GULP1: variants seen among roughly 807,000 people sequenced by gnomAD.
GULP1 encodes the protein PTB domain-containing engulfment adapter protein 1.
Under a neutral mutation model 40.9 loss-of-function variants are expected in GULP1, and 19 were observed. That is an observed-to-expected ratio of 0.46 (90% CI 0.32 to 0.68). The LOEUF is 0.68. GULP1 is among the 30% of genes least tolerant of loss of function. GULP1 has a pLI of 0.03. For missense variants in GULP1, 312 were observed against 362.2 expected (o/e 0.86, Z 1.12); for synonymous variants, 119 against 117.6 (o/e 1.01, Z -0.08).
intron 1 of GULP1, among the ~76,000 whole-genome samples, chr2:188,305,839 G>A (rs961378968): frequency 2.0e-5 from 3 of 152,208 alleles, no homozygotes; most frequent in East Asian, 1.9e-4. Flanking sequence ...GTGGAGTGGC[G>A]CAATCTTGGC....
At chr2:188,549,322 T>G (rs1233168788) in intron 7 of GULP1, among the ~76,000 whole-genome samples, 1 of 151,534 alleles carries the variant, frequency 6.6e-6, no homozygotes, top group Non-Finnish European at 1.5e-5. Flanking sequence ...AACAATGAAA[T>G]TAGAACATGA....
intron 1 of GULP1, among the ~76,000 whole-genome samples, chr2:188,299,764 G>C (rs2035797312): frequency 6.6e-6 from 1 of 152,202 alleles, no homozygotes; most frequent in Non-Finnish European, 1.5e-5. Context: ...GTATTCACCA[G>C]TGTGAAGGGA....
At chr2:188,357,676 G>C (rs1419215791) in intron 1 of GULP1, among the ~76,000 whole-genome samples, 1 of 152,092 alleles carries the variant, frequency 6.6e-6, no homozygotes, top group African/African-American at 2.4e-5. Flanking sequence ...ATTGCCGTAT[G>C]ATCAGCAGTC....
Position 188,483,494 on chromosome 2 carries a change from TA to T in GULP1, c.90+7del. ...CATTTCATTCCCTATAATGCAAAGG[TA>T]AAAATAGTTCATTTATTATTTAATT... On this transcript the variant is annotated splice_donor_region_variant and intron_variant, in intron 4 of 11. Transcript: ENST00000409830. 1.6e-6 allele frequency: 2 copies of T among 1,282,692 alleles called. No homozygotes were observed. Among genetic ancestry groups the T allele is most frequent in the Non-Finnish European group, 2.2e-6 (2 of 899,002 alleles). The allele number at this position is 1,282,692 out of a possible 1,614,324, so 79.5% of individuals were successfully genotyped here.
intron 7 of GULP1, among the ~76,000 whole-genome samples, chr2:188,547,497 A>C (rs1201064344): frequency 6.6e-6 from 1 of 152,160 alleles, no homozygotes; most frequent in East Asian, 1.9e-4. Flanking sequence ...CCAATCTTCA[A>C]GGGCAGGAAG....
intron 4 of GULP1, among the ~76,000 whole-genome samples, chr2:188,500,183 A>G (rs890349814): frequency 5.9e-5 from 9 of 151,776 alleles, no homozygotes; most frequent in Non-Finnish European, 1.0e-4. Context: ...AAAAATACAG[A>G]TTTTCTGTCC....
At chr2:188,425,009 CT>C (rs1374526244) in intron 2 of GULP1, among the ~76,000 whole-genome samples, 1 of 151,826 alleles carries the variant, frequency 6.6e-6, no homozygotes, top group Non-Finnish European at 1.5e-5. Flanking sequence ...TGGCTTGTTT[CT>C]TTTTTTCGAT....
At chr2:188,497,444 A>G (rs2063007402) in intron 4 of GULP1, among the ~76,000 whole-genome samples, 1 of 152,008 alleles carries the variant, frequency 6.6e-6, no homozygotes, top group African/African-American at 2.4e-5. Context: ...TTAGATAAAG[A>G]TAATGGACTA....
chr2:188,301,722 G>T (rs2036167660), intron 1 of GULP1, among the ~76,000 whole-genome samples: 1 of 152,156 alleles, frequency 6.6e-6, no homozygotes, highest in Non-Finnish European at 1.5e-5. Flanking sequence ...GGGTAGAAAA[G>T]ATTTAGTTCC....
chr2:188,303,025 G>A (rs2036420522), intron 1 of GULP1, among the ~76,000 whole-genome samples: 1 of 152,064 alleles, frequency 6.6e-6, no homozygotes. Flanking sequence ...TGATGGTCCT[G>A]AATAAAGTTT....
intron 1 of GULP1, among the ~76,000 whole-genome samples, chr2:188,332,561 G>A (rs748543418): frequency 3.9e-5 from 6 of 152,088 alleles, no homozygotes; most frequent in Non-Finnish European, 7.4e-5. Context: ...AAAAACCTGT[G>A]TACCTAATTC....
chr2:188,520,991 A>G (rs888916903), intron 4 of GULP1, among the ~76,000 whole-genome samples: 2 of 152,062 alleles, frequency 1.3e-5, no homozygotes, highest in South Asian at 4.1e-4. Flanking sequence ...TTTCCCTTCT[A>G]TTCTGTAAGT....
intron 1 of GULP1, among the ~76,000 whole-genome samples, chr2:188,297,142 T>G (rs2035131572): frequency 6.6e-6 from 1 of 152,074 alleles, no homozygotes; most frequent in Non-Finnish European, 1.5e-5. Context: ...CTAGAAATCC[T>G]AGAAATCCTT....
intron 4 of GULP1, among the ~76,000 whole-genome samples, chr2:188,515,492 C>T (rs755457616): frequency 2.6e-5 from 4 of 152,128 alleles, no homozygotes; most frequent in African/African-American, 7.2e-5. Context: ...CTAGTGAGCA[C>T]GTCAGAGTCA....
intron 4 of GULP1, among the ~76,000 whole-genome samples, chr2:188,511,315 G>A (rs2064517905): frequency 6.6e-6 from 1 of 152,118 alleles, no homozygotes. Context: ...GTAAAATAAT[G>A]CAAGTTACAT....
intron 7 of GULP1, among the ~76,000 whole-genome samples, chr2:188,564,445 C>G (rs1244856334): frequency 6.6e-6 from 1 of 151,668 alleles, no homozygotes; most frequent in African/African-American, 2.4e-5. Context: ...TGTCTGTCTA[C>G]TAGCAAAAAG....
intron 1 of GULP1, among the ~76,000 whole-genome samples, chr2:188,352,841 A>G (rs1373224902): frequency 6.6e-6 from 1 of 152,190 alleles, no homozygotes; most frequent in Non-Finnish European, 1.5e-5. Context: ...TATACATTGA[A>G]CTTCCAAGAA....
intron 1 of GULP1, among the ~76,000 whole-genome samples, chr2:188,368,413 T>A (rs1484967536): frequency 1.3e-5 from 2 of 151,962 alleles, no homozygotes; most frequent in Non-Finnish European, 2.9e-5. Context: ...AAACCTCATC[T>A]CTACTAAAAA....
chr2:188,561,628 A>C (rs754804228), intron 7 of GULP1, among the ~76,000 whole-genome samples: 1 of 152,180 alleles, frequency 6.6e-6, no homozygotes, highest in African/African-American at 2.4e-5. Flanking sequence ...CAGTGGTGAC[A>C]GTAGTCACTA....
Sources: allele counts gnomAD v4.1 joint callset (sites outside exome capture counted in the v4.1 genomes callset), GRCh38; gene constraint gnomAD v4.1.1; transcripts MANE v1.5; gene names NCBI Gene and HGNC (gene_info 2026-07-23, HGNC 2026-07-21).